The following THSD7B variants were observed in gnomAD, a reference collection of about 807,000 sequenced individuals.
The protein encoded by THSD7B is thrombospondin type-1 domain-containing protein 7B.
A neutral mutation model predicts 213.6 loss-of-function variants in THSD7B; 138 were observed. That is an observed-to-expected ratio of 0.65 (90% CI 0.56 to 0.74). The LOEUF is 0.74. Ranked by LOEUF, THSD7B falls within the 30% of genes least tolerant of loss-of-function variation. The pLI, the probability that THSD7B is intolerant of heterozygous loss-of-function variation, is 0.00. For missense variants in THSD7B, 1,931 were observed against 1,991.5 expected, an observed-to-expected ratio of 0.97 and a Z score of 0.58; for synonymous variants, 742 against 687.0, an observed-to-expected ratio of 1.08 and a Z score of -1.25.
intron 24 of THSD7B, among the ~76,000 whole-genome samples, chr2:137,658,251 C>T (rs1200400511): frequency 6.6e-6 from 1 of 152,038 alleles, no homozygotes; most frequent in African/African-American, 2.4e-5. Flanking sequence ...GTTGTTAAAA[C>T]TAAATATACT....
chr2:137,428,159 C>T (rs1687100280), intron 14 of THSD7B, among the ~76,000 whole-genome samples: 2 of 151,998 alleles, frequency 1.3e-5, no homozygotes. Context: ...TTTAAGTAGG[C>T]ATTTCTTCAA....
At chr2:136,989,961 C>T (rs1257221771) in intron 2 of THSD7B, among the ~76,000 whole-genome samples, 1 of 152,166 alleles carries the variant, frequency 6.6e-6, no homozygotes, top group East Asian at 1.9e-4. Flanking sequence ...TTGATGCTTT[C>T]TTTCTTTATT....
Position 137,620,590 on chromosome 2 carries a change from G to A in THSD7B, c.3682-19G>A. Reference sequence around the variant, plus strand: ...AGAGTGATTTCTCCAATAAAGTTGTGTTTCATTTCCATTTGCAGCATAATT... The same window carrying A: ...AGAGTGATTTCTCCAATAAAGTTGTATTTCATTTCCATTTGCAGCATAATT... On this transcript the variant is annotated intron_variant, in intron 19 of 27. Transcript: ENST00000409968. 6.3e-7 allele frequency: 1 copy of A among 1,586,998 alleles called. No homozygotes were observed. The highest frequency in any genetic ancestry group is 8.7e-7 in the Non-Finnish European group (1 of 1,155,828).
chr2:137,187,216 C>T (rs896295021), intron 7 of THSD7B, among the ~76,000 whole-genome samples: 3 of 152,080 alleles, frequency 2.0e-5, no homozygotes, highest in East Asian at 1.9e-4. Flanking sequence ...AACTGCTCTG[C>T]GAGGACAGAG....
chr2:137,056,357 C>T, intron 2 of THSD7B, 63 bp from the exon 3 acceptor site: 2 of 1,505,224 alleles, frequency 1.3e-6, no homozygotes, highest in Non-Finnish European at 1.8e-6. Flanking sequence ...TTGACTTCTA[C>T]TTACCTGTGA....
chr2:137,324,981 G>A (rs1206080164), intron 12 of THSD7B, among the ~76,000 whole-genome samples: 1 of 152,160 alleles, frequency 6.6e-6, no homozygotes, highest in African/African-American at 2.4e-5. Context: ...GCATTCAACT[G>A]GTTGTTCAGT....
chr2:136,947,388 T>C (rs1301612248), intron 2 of THSD7B, among the ~76,000 whole-genome samples: 4 of 151,978 alleles, frequency 2.6e-5, no homozygotes, highest in African/African-American at 9.7e-5. Context: ...CAAATAATTT[T>C]CCTAATTTGT....
chr2:137,668,423 A>G (rs1282406456), intron 27 of THSD7B, among the ~76,000 whole-genome samples: 6 of 150,616 alleles, frequency 4.0e-5, no homozygotes, highest in Admixed American at 2.7e-4. Context: ...GCTATGAGAC[A>G]AAATTTAACT....
At chr2:136,789,873 A>G (rs925178555) in intron 1 of THSD7B, among the ~76,000 whole-genome samples, 1 of 152,152 alleles carries the variant, frequency 6.6e-6, no homozygotes, top group African/African-American at 2.4e-5. Context: ...GAAAATGGGA[A>G]ATATGTTACT....
chr2:137,419,435 G>C lies in THSD7B; in HGVS notation c.2959+7563G>C, dbSNP rs1211007477. On this transcript the variant is annotated intron_variant, in intron 14 of 27. Transcript: ENST00000409968. Reference sequence around the variant, plus strand: ...ATAATCGAAGAGTGAAAAGGACAGAGAATAATGTTACTGAGTGATGAAATA... The same window carrying C: ...ATAATCGAAGAGTGAAAAGGACAGACAATAATGTTACTGAGTGATGAAATA... Among the ~76,000 whole-genome samples, 2 of 125,838 alleles carry C rather than the reference G, an allele frequency of 1.6e-5. 1 individual carries two copies. 82.6% of individuals were successfully genotyped at this position (125,838 alleles called of 152,430 possible). A position where few individuals can be genotyped will look rare whatever the true frequency, so the allele number is the denominator to read the frequency against.
At chr2:137,451,474 C>T (rs1206664672) in intron 15 of THSD7B, among the ~76,000 whole-genome samples, 2 of 151,978 alleles carry the variant, frequency 1.3e-5, no homozygotes, top group Non-Finnish European at 2.9e-5. Context: ...TCACCTAACA[C>T]TTTATCCTAA....
At chr2:137,358,088 C>A (rs930677332) in intron 12 of THSD7B, among the ~76,000 whole-genome samples, 2 of 152,070 alleles carry the variant, frequency 1.3e-5, no homozygotes, top group African/African-American at 4.8e-5. Flanking sequence ...AACAGCTTTG[C>A]CCTCAGGCAC....
chr2:136,778,841 A>G (rs1037356176), intron 1 of THSD7B, among the ~76,000 whole-genome samples: 3 of 152,206 alleles, frequency 2.0e-5, no homozygotes, highest in South Asian at 2.1e-4. Flanking sequence ...AGGAACAGAC[A>G]TTTACTAAAT....
intron 26 of THSD7B, among the ~76,000 whole-genome samples, chr2:137,666,464 A>G (rs1354279626): frequency 6.6e-6 from 1 of 152,060 alleles, no homozygotes; most frequent in African/African-American, 2.4e-5. Flanking sequence ...TATAATAGGT[A>G]GTTGTAATGT....
At chr2:137,135,817 A>G (rs10432375) in intron 5 of THSD7B, among the ~76,000 whole-genome samples, 101,986 of 151,878 alleles carry the variant, frequency 0.67, 36,019 homozygotes, top group Non-Finnish European at 0.77. Flanking sequence ...AAGATTCAAG[A>G]AAAGGAAGAA....
intron 5 of THSD7B, 50 bp downstream of exon 5, chr2:137,115,343 A>G: frequency 7.0e-7 from 1 of 1,437,328 alleles, no homozygotes; most frequent in South Asian, 1.6e-5. Context: ...TGGAAGGAAA[A>G]TCTCTCCAAC....
chr2:137,671,509 CTT>C, intron 27 of THSD7B, among the ~76,000 whole-genome samples: 1 of 151,910 alleles, frequency 6.6e-6, no homozygotes, highest in Non-Finnish European at 1.5e-5. Flanking sequence ...AACTTACTTA[CTT>C]ACAATCATGG....
intron 21 of THSD7B, among the ~76,000 whole-genome samples, chr2:137,645,534 G>C (rs1288220490): frequency 2.0e-5 from 3 of 152,196 alleles, no homozygotes; most frequent in African/African-American, 7.2e-5. Flanking sequence ...GTTGTCGAAG[G>C]TATAAGCGAT....
At chr2:137,604,471 G>A (rs2104826516) in intron 17 of THSD7B, among the ~76,000 whole-genome samples, 1 of 152,226 alleles carries the variant, frequency 6.6e-6, no homozygotes, top group South Asian at 2.1e-4. Flanking sequence ...TGTGTTTCAT[G>A]TCTAAGAAGA....
Sources: gnomAD v4.1 joint callset for allele counts (sites outside exome capture counted in the v4.1 genomes callset) on GRCh38, gnomAD v4.1.1 for gene constraint, MANE v1.5 for transcripts, NCBI Gene and HGNC (gene_info 2026-07-23, HGNC 2026-07-21) for gene names.